EVL: variants seen among roughly 807,000 people sequenced by gnomAD.
EVL encodes the protein Enah/Vasp-like, also known as ena/VASP-like protein.
A neutral mutation model predicts 59.6 loss-of-function variants in EVL; 21 were observed. The ratio of observed to expected loss-of-function variants is 0.35; its 90% confidence interval spans 0.25 to 0.51. The LOEUF is 0.51. Ranked by LOEUF, EVL falls within the 20% of genes least tolerant of loss-of-function variation. The pLI, the probability that EVL is intolerant of heterozygous loss-of-function variation, is 0.97. For missense variants in EVL, 462 were observed against 546.6 expected (o/e 0.85, Z 1.54); for synonymous variants, 198 against 203.5 (o/e 0.97, Z 0.23).
At chr14:100,117,914 T>G (rs1036673414) in intron 3 of EVL, among the ~76,000 whole-genome samples, 5 of 152,226 alleles carry the variant, frequency 3.3e-5, no homozygotes, top group African/African-American at 1.2e-4. Flanking sequence ...GCTCGCCCAG[T>G]GGCTGGAGAT....
At chr14:100,016,844 C>CT (rs146940887) in intron 1 of EVL, among the ~76,000 whole-genome samples, 132 of 152,134 alleles carry the variant, frequency 8.7e-4, no homozygotes, top group African/African-American at 3.1e-3. Flanking sequence ...AGTTGAGGCA[C>CT]TTTTTTTTAG....
At chr14:100,097,366 C>A in intron 2 of EVL, 115 bp from the exon 3 acceptor site, 1 of 891,290 alleles carries the variant, frequency 1.1e-6, no homozygotes, top group South Asian at 1.8e-5. Context: ...TCTTCAAACC[C>A]CATCCCCATC....
At chr14:100,110,136 T>C (rs966472291) in intron 3 of EVL, among the ~76,000 whole-genome samples, 4 of 152,244 alleles carry the variant, frequency 2.6e-5, no homozygotes, top group Non-Finnish European at 5.9e-5. Flanking sequence ...CCCAGCACTT[T>C]AGGAGGTCAG....
chr14:100,117,873 A>G (rs976711693), intron 3 of EVL, among the ~76,000 whole-genome samples: 3 of 152,018 alleles, frequency 2.0e-5, no homozygotes, highest in African/African-American at 7.3e-5. Flanking sequence ...GACTTCTGCT[A>G]TTTTCTCTAA....
At chr14:100,035,127 A>C (rs554972289) in intron 1 of EVL, among the ~76,000 whole-genome samples, 9 of 152,196 alleles carry the variant, frequency 5.9e-5, no homozygotes, top group Non-Finnish European at 1.3e-4. Context: ...ATTATTCCTC[A>C]AATTTTCTTT....
At chr14:100,059,522 A>G (rs1205666766) in intron 1 of EVL, among the ~76,000 whole-genome samples, 1 of 152,210 alleles carries the variant, frequency 6.6e-6, no homozygotes, top group Non-Finnish European at 1.5e-5. Flanking sequence ...GCATGTACAG[A>G]GTGAGATTCT....
intron 3 of EVL, chr14:100,106,552 T>A (rs1193857746): frequency 3.9e-6 from 1 of 259,154 alleles, no homozygotes; most frequent in African/African-American, 2.2e-5. Flanking sequence ...ATGCACATTT[T>A]ATTATAGACT....
chr14:100,080,797 T>A (rs1231157265), intron 1 of EVL, among the ~76,000 whole-genome samples: 1 of 152,152 alleles, frequency 6.6e-6, no homozygotes. Flanking sequence ...AACAAACCAG[T>A]GTGTTTTGAC....
intron 3 of EVL, among the ~76,000 whole-genome samples, chr14:100,122,482 C>T (rs1269268558): frequency 6.6e-6 from 1 of 152,230 alleles, no homozygotes; most frequent in Non-Finnish European, 1.5e-5. Context: ...CATATTCATT[C>T]CTTCTGTTTC....
intron 3 of EVL, chr14:100,106,628 T>C (rs1431981440): frequency 7.7e-6 from 3 of 391,336 alleles, no homozygotes; most frequent in Non-Finnish European, 1.3e-5. Flanking sequence ...GTAGGTAGGT[T>C]ATGTAATCTA....
intron 1 of EVL, among the ~76,000 whole-genome samples, chr14:100,035,258 C>A (rs2061371025): frequency 1.3e-5 from 2 of 150,408 alleles, no homozygotes; most frequent in Non-Finnish European, 3.0e-5. Flanking sequence ...ACTGTTAAGG[C>A]AGTTTATTAT....
intron 1 of EVL, among the ~76,000 whole-genome samples, chr14:100,018,970 G>C (rs920203619): frequency 6.6e-6 from 1 of 152,068 alleles, no homozygotes; most frequent in Non-Finnish European, 1.5e-5. Flanking sequence ...CTATATACTC[G>C]ATAAATGAAT....
intron 2 of EVL, chr14:100,085,163 T>C (rs967184799): frequency 1.3e-5 from 3 of 234,782 alleles, no homozygotes; most frequent in Admixed American, 5.4e-5. Context: ...AAAAATAATA[T>C]TGCAAAAATG....
At chr14:100,002,177 C>A (rs1359424035) in intron 1 of EVL, among the ~76,000 whole-genome samples, 3 of 152,106 alleles carry the variant, frequency 2.0e-5, no homozygotes, top group Non-Finnish European at 4.4e-5. Flanking sequence ...TCCTGTTCTG[C>A]TTGATATCCA....
chr14:100,055,784 C>A (rs1006476729), intron 1 of EVL, among the ~76,000 whole-genome samples: 12 of 140,896 alleles, frequency 8.5e-5, no homozygotes, highest in Admixed American at 3.5e-4. Context: ...TGCACACTTA[C>A]GTTGTTGTCT....
At chr14:100,101,348 G>A (rs1268032581) in intron 3 of EVL, among the ~76,000 whole-genome samples, 1 of 152,188 alleles carries the variant, frequency 6.6e-6, no homozygotes, top group Non-Finnish European at 1.5e-5. Context: ...AGGCATGATG[G>A]TGCGTGCCTG....
At chr14:100,129,538 A>G (rs1353882563) in intron 6 of EVL, 25 bp from the exon 7 acceptor site, 2 of 1,612,484 alleles carry the variant, frequency 1.2e-6, no homozygotes, top group Admixed American at 1.7e-5. Flanking sequence ...AGCAGAATCT[A>G]AAACGCGGCC....
Position 100,132,759 on chromosome 14 carries a change from A to C in EVL, c.880A>C (p.Lys294Gln). ...CCAGTCAGACAAGCCAGCCGAGAAG[A>C]AGGAAGATGAAAGCCAAATGGTGAG... ...ASQSDKPAEK[K>Q]EDESQMEDPS... The change falls in exon 8 of 14, where the codon AAG becomes CAG. Residue 294 changes from lysine (K) to glutamine (Q), a missense_variant. Transcript: ENST00000392920. The C allele has an allele frequency of 6.2e-7, 1 of 1,614,142 alleles. No individual in the cohort carries two copies. The highest frequency in any genetic ancestry group is 8.5e-7 in the Non-Finnish European group (1 of 1,180,036).
At chr14:100,101,927 C>G (rs1161417377) in intron 3 of EVL, among the ~76,000 whole-genome samples, 8 of 152,168 alleles carry the variant, frequency 5.3e-5, no homozygotes, top group Admixed American at 5.2e-4. Flanking sequence ...CAACCTCTGC[C>G]TCCTGGTTCA....
Sources: allele counts gnomAD v4.1 joint callset (sites outside exome capture counted in the v4.1 genomes callset), GRCh38; gene constraint gnomAD v4.1.1; transcripts MANE v1.5; gene names NCBI Gene and HGNC (gene_info 2026-07-23, HGNC 2026-07-21).